The following NUP210L variants were observed in gnomAD, a reference collection of about 807,000 sequenced individuals.
The protein encoded by NUP210L is nucleoporin 210 like, also known as nuclear pore membrane glycoprotein 210-like.
NUP210L carries 74 observed loss-of-function variants against 208.5 expected under a neutral mutation model. The observed-to-expected ratio is 0.35, with a 90% CI of 0.29 to 0.43. The LOEUF (loss-of-function observed/expected upper bound fraction) is 0.43. NUP210L is among the 20% of genes least tolerant of loss of function. NUP210L has a pLI of 1.00. For missense variants in NUP210L, 1,843 were observed against 2,289.4 expected (o/e 0.81, Z 3.98); for synonymous variants, 780 against 816.9 (o/e 0.95, Z 0.77).
chr1:154,096,080 T>A (rs1415571713), intron 14 of NUP210L, among the ~76,000 whole-genome samples: 2 of 152,184 alleles, frequency 1.3e-5, no homozygotes, highest in Non-Finnish European at 2.9e-5. Flanking sequence ...TTTCTCCTAA[T>A]GCTATCCATT....
chr1:154,026,825 A>G (rs11264895), intron 29 of NUP210L, among the ~76,000 whole-genome samples: 41,863 of 151,970 alleles, frequency 0.28, 6,027 homozygotes, highest in Admixed American at 0.38. Context: ...GCTCACACCT[A>G]TAATCCCAGC....
intron 33 of NUP210L, among the ~76,000 whole-genome samples, chr1:154,015,981 G>T (rs1227114303): frequency 6.6e-6 from 1 of 151,360 alleles, no homozygotes; most frequent in East Asian, 2.0e-4. Context: ...ATGGCTAGGT[G>T]CAGTGGCTCA....
At chr1:154,103,131 C>T (rs1308795567) in intron 13 of NUP210L, among the ~76,000 whole-genome samples, 9 of 152,032 alleles carry the variant, frequency 5.9e-5, no homozygotes, top group East Asian at 1.9e-4. Context: ...CAGTGGCTCA[C>T]GCCTGTAATC....
intron 35 of NUP210L, among the ~76,000 whole-genome samples, chr1:154,007,883 T>TTTTCATCAATAAATTGAAGTCACAA: frequency 6.7e-6 from 1 of 149,470 alleles, no homozygotes; most frequent in African/African-American, 2.5e-5. Flanking sequence ...CTTATTTATT[T>TTTTCATCAATAAATTGAAGTCACAA]ATTTTTGAGA....
intron 10 of NUP210L, among the ~76,000 whole-genome samples, chr1:154,124,074 C>G (rs1051543894): frequency 6.6e-6 from 1 of 151,658 alleles, no homozygotes; most frequent in Non-Finnish European, 1.5e-5. Context: ...GTAGTCCTAG[C>G]TACTTGGGAG....
intron 16 of NUP210L, among the ~76,000 whole-genome samples, chr1:154,075,671 C>T (rs1654995586): frequency 6.6e-6 from 1 of 151,714 alleles, no homozygotes. Context: ...GAGTTTTTAA[C>T]AAAAGATTAT....
intron 27 of NUP210L, among the ~76,000 whole-genome samples, chr1:154,033,715 G>A (rs1301765585): frequency 1.3e-5 from 2 of 152,008 alleles, no homozygotes; most frequent in Admixed American, 6.6e-5. Flanking sequence ...TGCTGAGGAC[G>A]GCTTTGACTA....
chr1:154,048,732 G>A (rs185152925), intron 25 of NUP210L, among the ~76,000 whole-genome samples: 35 of 152,280 alleles, frequency 2.3e-4, no homozygotes, highest in Admixed American at 4.6e-4. Flanking sequence ...AAGTACCTAC[G>A]GGAGTCTGTG....
At chr1:153,995,226 A>G in intron 37 of NUP210L, 46 bp from the exon 38 acceptor site, 1 of 1,284,260 alleles carries the variant, frequency 7.8e-7, no homozygotes, top group Non-Finnish European at 1.1e-6. Context: ...AATAGCAACC[A>G]TGGGCAGATG....
intron 30 of NUP210L, among the ~76,000 whole-genome samples, 185 bp downstream of exon 30, chr1:154,025,357 T>TCTCC (rs1651816582): frequency 3.7e-5 from 1 of 27,084 alleles, no homozygotes; most frequent in Non-Finnish European, 5.7e-5. Flanking sequence ...TTCTTCTCCT[T>TCTCC]TTTTTTTTTT....
chr1:154,025,790 A>G, intron 29 of NUP210L, 74 bp from the exon 30 acceptor site: 1 of 1,354,852 alleles, frequency 7.4e-7, no homozygotes, highest in Non-Finnish European at 1.0e-6. Context: ...AAAAATTTCC[A>G]GGATTACTGT....
chr1:154,149,270 G>A (rs1659269812), intron 2 of NUP210L, among the ~76,000 whole-genome samples: 1 of 151,964 alleles, frequency 6.6e-6, no homozygotes, highest in Non-Finnish European at 1.5e-5. Context: ...ATTTTTAGTA[G>A]AGACGGGGTT....
chr1:154,020,477 A>G (rs1651489637), intron 32 of NUP210L, among the ~76,000 whole-genome samples: 2 of 152,014 alleles, frequency 1.3e-5, no homozygotes, highest in Admixed American at 6.6e-5. Flanking sequence ...CAGCCTCCCA[A>G]TAGTTGGGAC....
intron 34 of NUP210L, among the ~76,000 whole-genome samples, chr1:154,010,599 G>C (rs1021383347): frequency 3.3e-5 from 5 of 152,020 alleles, no homozygotes; most frequent in African/African-American, 9.7e-5. Flanking sequence ...GGCCAGGCGC[G>C]GTGGCTCACA....
chr1:153,998,688 T>C (rs1212026026), intron 37 of NUP210L, among the ~76,000 whole-genome samples: 1 of 150,780 alleles, frequency 6.6e-6, no homozygotes, highest in Non-Finnish European at 1.5e-5. Flanking sequence ...CAATACATTC[T>C]GTGATAGTAT....
At chr1:154,140,735 C>A (rs547013130) in intron 4 of NUP210L, among the ~76,000 whole-genome samples, 2 of 150,914 alleles carry the variant, frequency 1.3e-5, no homozygotes, top group South Asian at 2.1e-4. Context: ...GTAATCCCAG[C>A]ACTTTGGGAG....
intron 13 of NUP210L, among the ~76,000 whole-genome samples, chr1:154,103,113 G>C (rs936111405): frequency 6.6e-6 from 1 of 150,732 alleles, no homozygotes; most frequent in African/African-American, 2.5e-5. Context: ...ATAAAAACTG[G>C]CTGGGCGCAG....
exon 11 of NUP210L, chr1:154,118,736 G>C (rs768780267): frequency 6.2e-7 from 1 of 1,601,080 alleles, no homozygotes; most frequent in Non-Finnish European, 8.6e-7. Context: ...TTGGGTGTAA[G>C]CATGATGGGA....
intron 12 of NUP210L, among the ~76,000 whole-genome samples, chr1:154,109,459 C>G (rs1330109601): frequency 1.3e-5 from 2 of 151,338 alleles, no homozygotes; most frequent in African/African-American, 4.9e-5. Context: ...ACTTCAACAC[C>G]CTACTTTCAA....
Sources: allele counts gnomAD v4.1 joint callset (sites outside exome capture counted in the v4.1 genomes callset), GRCh38; gene constraint gnomAD v4.1.1; transcripts MANE v1.5; gene names NCBI Gene and HGNC (gene_info 2026-07-23, HGNC 2026-07-21).